The following FAM110B variants were observed in gnomAD, a reference collection of about 807,000 sequenced individuals.
The protein encoded by FAM110B is protein FAM110B.
In FAM110B, 6 loss-of-function variants were observed where a neutral mutation model predicts 20.4. That is an observed-to-expected ratio of 0.29 (90% CI 0.16 to 0.58). The LOEUF is 0.58. FAM110B is among the 20% of genes least tolerant of loss of function. The probability of loss-of-function intolerance (pLI) is 0.90; values close to 1 mark genes in which losing one functional copy is unlikely to be tolerated. For missense variants in FAM110B, 434 were observed against 498.2 expected (o/e 0.87, Z 1.23); for synonymous variants, 226 against 214.1 (o/e 1.06, Z -0.49).
Position 58,068,255 on chromosome 8 carries a change from A to G in FAM110B, c.-413-7280A>G, listed in dbSNP as rs139264509. Among the ~76,000 whole-genome samples the G allele has an allele frequency of 4.6e-5, 7 of 152,338 alleles. No homozygotes were observed. The East Asian group carries it at 9.6e-4, about 21-fold the overall frequency. On this transcript the variant is annotated intron_variant, in intron 2 of 3. Coordinates refer to ENST00000519262, the MANE Select transcript of FAM110B (RefSeq NM_001377989.1). ...AATGGTGATTGCACTCTGATAATTCACTAGGATGATGCTTCAAGGTAGCAC... is the reference window on the plus strand; with the variant it reads ...AATGGTGATTGCACTCTGATAATTCGCTAGGATGATGCTTCAAGGTAGCAC...
chr8:58,008,294 G>A (rs928588527), intron 1 of FAM110B, among the ~76,000 whole-genome samples: 3 of 151,858 alleles, frequency 2.0e-5, no homozygotes, highest in African/African-American at 7.2e-5. Context: ...CACCACACCC[G>A]GCTAATTTTT....
intron 3 of FAM110B, among the ~76,000 whole-genome samples, chr8:58,124,655 G>T (rs141933610): frequency 6.6e-6 from 1 of 152,192 alleles, no homozygotes; most frequent in Admixed American, 6.5e-5. Context: ...CACCCTGTTT[G>T]CATCACTGAT....
intron 3 of FAM110B, among the ~76,000 whole-genome samples, chr8:58,098,638 C>T (rs1806695007): frequency 6.6e-6 from 1 of 152,156 alleles, no homozygotes; most frequent in Admixed American, 6.5e-5. Context: ...AAACGGCTGC[C>T]CAGTTTTGTG....
chr8:58,145,126 T>C (rs1238663141), intron 3 of FAM110B, among the ~76,000 whole-genome samples: 12 of 152,192 alleles, frequency 7.9e-5, no homozygotes, highest in Non-Finnish European at 7.4e-5. Flanking sequence ...TGAAAAATTA[T>C]GGATAACTTA....
chr8:58,020,183 C>T (rs2150569155), intron 1 of FAM110B, among the ~76,000 whole-genome samples: 1 of 152,080 alleles, frequency 6.6e-6, no homozygotes, highest in Admixed American at 6.5e-5. Flanking sequence ...TGTTCCATCT[C>T]TTCTATTAGA....
intron 1 of FAM110B, among the ~76,000 whole-genome samples, chr8:58,012,574 ACCT>A (rs1404135264): frequency 6.6e-6 from 1 of 151,764 alleles, no homozygotes. Flanking sequence ...TGAGTAGAAA[ACCT>A]CCAAGGGGAT....
Position 58,086,293 on chromosome 8 carries a change from T to A in FAM110B, c.-325+10670T>A, listed in dbSNP as rs200299347. 2.0e-5 allele frequency among the ~76,000 whole-genome samples: 3 copies of A among 152,192 alleles called. No individual in the cohort carries two copies. The East Asian group carries it at 5.8e-4, about 29-fold the overall frequency. Reference sequence around the variant, plus strand: ...TATAATAAAGAAAAAATTATATGAATATATGACTTTAAATCTACCATTAAG... The same window carrying A: ...TATAATAAAGAAAAAATTATATGAAAATATGACTTTAAATCTACCATTAAG... On this transcript the variant is annotated intron_variant, in intron 3 of 3. Transcript: ENST00000519262.
intron 2 of FAM110B, among the ~76,000 whole-genome samples, chr8:58,048,837 A>T (rs1805382203): frequency 6.6e-6 from 1 of 152,186 alleles, no homozygotes; most frequent in Non-Finnish European, 1.5e-5. Context: ...AATTTTTTTT[A>T]GGAATGATTT....
At chr8:58,091,049 C>T (rs1008103379) in intron 3 of FAM110B, among the ~76,000 whole-genome samples, 1 of 152,130 alleles carries the variant, frequency 6.6e-6, no homozygotes, top group Admixed American at 6.5e-5. Context: ...GCAGGTATAG[C>T]CATGCCTTTG....
chr8:58,103,962 T>C (rs1040720453), intron 3 of FAM110B, among the ~76,000 whole-genome samples: 1 of 152,240 alleles, frequency 6.6e-6, no homozygotes, highest in African/African-American at 2.4e-5. Flanking sequence ...TCACTTCTCA[T>C]TGCCTTGAGA....
chr8:58,139,452 C>T (rs1803691620), intron 3 of FAM110B, among the ~76,000 whole-genome samples: 6 of 152,168 alleles, frequency 3.9e-5, no homozygotes, highest in Admixed American at 3.9e-4. Context: ...ATGGTTGGCC[C>T]TCTGATTTCA....
intron 2 of FAM110B, among the ~76,000 whole-genome samples, chr8:58,037,306 G>GGTTT (rs34287683): frequency 0.17 from 25,001 of 146,410 alleles, 2,688 homozygotes; most frequent in African/African-American, 0.32. Flanking sequence ...AAGTTTTTTT[G>GGTTT]GTTTGTTTGT....
chr8:58,023,125 T>C (rs1483876488), intron 1 of FAM110B, among the ~76,000 whole-genome samples: 1 of 152,216 alleles, frequency 6.6e-6, no homozygotes, highest in Non-Finnish European at 1.5e-5. Flanking sequence ...TTTGTTGACT[T>C]AATTTCTTGG....
chr8:58,056,946 A>G (rs1466393836), intron 2 of FAM110B, among the ~76,000 whole-genome samples: 1 of 152,196 alleles, frequency 6.6e-6, no homozygotes, highest in African/African-American at 2.4e-5. Context: ...GCCGAAAATG[A>G]GGAGGCCCTA....
chr8:58,071,930 G>A (rs1805908317), intron 2 of FAM110B, among the ~76,000 whole-genome samples: 1 of 152,182 alleles, frequency 6.6e-6, no homozygotes, highest in Non-Finnish European at 1.5e-5. Flanking sequence ...GCAGAAGGGT[G>A]CGTATCAGTA....
intron 1 of FAM110B, among the ~76,000 whole-genome samples, chr8:57,997,206 G>A (rs1804204804): frequency 4.6e-5 from 7 of 152,150 alleles, no homozygotes; most frequent in Admixed American, 3.9e-4. Flanking sequence ...TGGTCTAGTA[G>A]AATCCCAGGG....
intron 1 of FAM110B, among the ~76,000 whole-genome samples, chr8:58,021,352 A>C (rs1804749230): frequency 6.6e-6 from 1 of 152,184 alleles, no homozygotes; most frequent in Admixed American, 6.5e-5. Flanking sequence ...AAAGGCAGTA[A>C]AAAAATTAAT....
At chr8:58,017,199 T>G (rs1025725487) in intron 1 of FAM110B, among the ~76,000 whole-genome samples, 2 of 152,174 alleles carry the variant, frequency 1.3e-5, no homozygotes, top group Admixed American at 6.5e-5. Flanking sequence ...CAACAAAGAT[T>G]TGAGCATTTA....
At position 58,136,412 on chromosome 8, in the gene FAM110B, C is replaced by A. The variant is rs1585916947; in HGVS notation, c.-324-9495C>A. ...CATTTAATATTTGGTCATGGCCTCA[C>A]ACATTGTCACAACTGAGCATGAAGC... On this transcript the variant is annotated intron_variant, in intron 3 of 3. Transcript: ENST00000519262. Among the ~76,000 whole-genome samples the A allele has an allele frequency of 2.0e-5, 3 of 152,234 alleles. No individual in the cohort carries two copies. The South Asian group carries it at 6.2e-4, about 32-fold the overall frequency.
Sources: gnomAD v4.1 joint callset for allele counts (sites outside exome capture counted in the v4.1 genomes callset) on GRCh38, gnomAD v4.1.1 for gene constraint, MANE v1.5 for transcripts, NCBI Gene and HGNC (gene_info 2026-07-23, HGNC 2026-07-21) for gene names.